The following CMSS1 variants were observed in gnomAD, a reference collection of about 807,000 sequenced individuals.
CMSS1 encodes the protein cms1 ribosomal small subunit homolog.
CMSS1 carries 33 observed loss-of-function variants against 43.5 expected under a neutral mutation model. The observed-to-expected ratio is 0.76, with a 90% CI of 0.57 to 1.01. The LOEUF is 1.01. CMSS1 is among the 50% of genes least tolerant of loss of function. CMSS1 has a pLI of 0.00. For synonymous variants in CMSS1, 115 were observed against 117.2 expected, an observed-to-expected ratio of 0.98 and a Z score of 0.12; for missense variants, 313 against 326.4, an observed-to-expected ratio of 0.96 and a Z score of 0.32.
chr3:99,930,846 C>T, intron 1 of CMSS1: 1 of 1,612,808 alleles, frequency 6.2e-7, no homozygotes, highest in Non-Finnish European at 8.5e-7. Context: ...TGGCCATTAC[C>T]ACTGTGTGGC....
intron 1 of CMSS1, among the ~76,000 whole-genome samples, chr3:99,883,584 G>C (rs1347704816): frequency 6.6e-6 from 1 of 152,134 alleles, no homozygotes; most frequent in Non-Finnish European, 1.5e-5. Flanking sequence ...TCACACTGTT[G>C]AGTCAAAGAG....
chr3:100,049,730 T>G (rs2065338480), intron 1 of CMSS1, among the ~76,000 whole-genome samples: 1 of 152,248 alleles, frequency 6.6e-6, no homozygotes, highest in Non-Finnish European at 1.5e-5. Context: ...TCTTAACAAA[T>G]AGTAAATGTA....
Position 100,132,225 on chromosome 3 carries a change from GA to G in CMSS1, c.65-14747del, listed in dbSNP as rs1009699868. On this transcript the variant is annotated intron_variant, in intron 1 of 9. Transcript: ENST00000421999. ...AAGACCAGCCTGAGCAACAAAGAAAGACCCCCATCTCTAAAAAAGTTTAAAA... is the reference window on the plus strand; with the variant it reads ...AAGACCAGCCTGAGCAACAAAGAAAGCCCCCATCTCTAAAAAAGTTTAAAA... Among the ~76,000 whole-genome samples, 744 of 112,462 alleles carry G rather than the reference GA, an allele frequency of 6.6e-3. 2 individuals are homozygous for G. Among genetic ancestry groups the G allele is most frequent in the South Asian group, 9.9e-3 (32 of 3,230 alleles). The allele number at this position is 112,462 out of a possible 152,430, so 73.8% of individuals were successfully genotyped here. A position where few individuals can be genotyped will look rare whatever the true frequency, so the allele number is the denominator to read the frequency against.
At chr3:100,086,729 G>A (rs958081179) in intron 1 of CMSS1, among the ~76,000 whole-genome samples, 5 of 152,042 alleles carry the variant, frequency 3.3e-5, no homozygotes, top group Non-Finnish European at 7.4e-5. Context: ...TTTACATATG[G>A]TAAAATTCAC....
At chr3:99,996,981 A>G (rs1415405582) in intron 1 of CMSS1, among the ~76,000 whole-genome samples, 2 of 152,208 alleles carry the variant, frequency 1.3e-5, no homozygotes, top group African/African-American at 2.4e-5. Context: ...GCCTTAACCT[A>G]TGGTATACAG....
At chr3:100,044,391 G>A (rs1410690037) in intron 1 of CMSS1, among the ~76,000 whole-genome samples, 1 of 152,170 alleles carries the variant, frequency 6.6e-6, no homozygotes, top group Non-Finnish European at 1.5e-5. Context: ...GTCAAGGGGG[G>A]CAGTGAAAAC....
chr3:99,992,009 T>TGTGTATATATATATATAC (rs1225123413), intron 1 of CMSS1, among the ~76,000 whole-genome samples: 1 of 150,486 alleles, frequency 6.6e-6, no homozygotes, highest in Non-Finnish European at 1.5e-5. Flanking sequence ...TATATGTGTG[T>TGTGTATATATATATATAC]GTGTATATAT....
chr3:100,098,024 AT>A (rs2066241126), intron 1 of CMSS1, among the ~76,000 whole-genome samples: 1 of 152,222 alleles, frequency 6.6e-6, no homozygotes, highest in Admixed American at 6.5e-5. Flanking sequence ...TACGTGCCAC[AT>A]TGCTATTTGA....
chr3:100,037,285 AAAAC>A (rs1301826118), intron 1 of CMSS1, among the ~76,000 whole-genome samples: 1 of 152,228 alleles, frequency 6.6e-6, no homozygotes, highest in African/African-American at 2.4e-5. Context: ...ATGGTTTAGA[AAAAC>A]AAATGTGTGT....
intron 1 of CMSS1, among the ~76,000 whole-genome samples, chr3:99,943,928 T>C (rs1249346921): frequency 6.6e-6 from 1 of 152,142 alleles, no homozygotes; most frequent in Non-Finnish European, 1.5e-5. Flanking sequence ...TATAGGGTTA[T>C]TGGGAGGATT....
intron 1 of CMSS1, among the ~76,000 whole-genome samples, chr3:99,880,040 C>T (rs17174947): frequency 0.27 from 40,299 of 152,036 alleles, 6,047 homozygotes; most frequent in Admixed American, 0.34. Context: ...ACTGGATAAC[C>T]TTGCCATGGA....
At chr3:99,840,891 T>G (rs1298817000) in intron 1 of CMSS1, among the ~76,000 whole-genome samples, 1 of 152,248 alleles carries the variant, frequency 6.6e-6, no homozygotes, top group Non-Finnish European at 1.5e-5. Flanking sequence ...AACTGAGGCT[T>G]TGTTAATCTA....
intron 1 of CMSS1, among the ~76,000 whole-genome samples, chr3:99,973,218 C>G (rs547696930): frequency 2.0e-5 from 3 of 152,104 alleles, no homozygotes; most frequent in Non-Finnish European, 4.4e-5. Flanking sequence ...ACATCATAAA[C>G]AAAATGAATA....
At chr3:99,871,460 A>G (rs1944782512) in intron 1 of CMSS1, among the ~76,000 whole-genome samples, 1 of 152,198 alleles carries the variant, frequency 6.6e-6, no homozygotes, top group Admixed American at 6.5e-5. Context: ...CTGACCCTGA[A>G]GGAGTTTATA....
chr3:99,946,769 G>T (rs1418465472), intron 1 of CMSS1, among the ~76,000 whole-genome samples: 1 of 152,114 alleles, frequency 6.6e-6, no homozygotes, highest in Non-Finnish European at 1.5e-5. Flanking sequence ...CTTTAGTAGG[G>T]ACTGCTTCTT....
intron 1 of CMSS1, among the ~76,000 whole-genome samples, chr3:99,887,161 C>T (rs959462793): frequency 8.6e-5 from 13 of 151,534 alleles, no homozygotes; most frequent in African/African-American, 1.5e-4. Context: ...CCCAGCTACT[C>T]GAGAGGCTAA....
At chr3:99,886,662 A>C (rs1228189257) in intron 1 of CMSS1, among the ~76,000 whole-genome samples, 1 of 152,202 alleles carries the variant, frequency 6.6e-6, no homozygotes, top group African/African-American at 2.4e-5. Context: ...TTTTAAAAAT[A>C]TCAGTTAGGT....
chr3:99,878,098 A>G (rs1705596182), intron 1 of CMSS1, among the ~76,000 whole-genome samples: 1 of 152,174 alleles, frequency 6.6e-6, no homozygotes, highest in South Asian at 2.1e-4. Flanking sequence ...TACTCCTTGT[A>G]TGCCCTTGCC....
At chr3:100,009,328 C>A (rs1710076205) in intron 1 of CMSS1, among the ~76,000 whole-genome samples, 1 of 152,168 alleles carries the variant, frequency 6.6e-6, no homozygotes, top group Non-Finnish European at 1.5e-5. Context: ...CCCATAATTT[C>A]ACTGAGGGAG....
Sources: gnomAD v4.1 joint callset for allele counts (sites outside exome capture counted in the v4.1 genomes callset) on GRCh38, gnomAD v4.1.1 for gene constraint, MANE v1.5 for transcripts, NCBI Gene and HGNC (gene_info 2026-07-23, HGNC 2026-07-21) for gene names.